Variants in SPTBN1 observed in about 807,000 individuals in gnomAD.
The protein encoded by SPTBN1 is spectrin beta chain, non-erythrocytic 1.
SPTBN1 carries 32 observed loss-of-function variants against 266.4 expected under a neutral mutation model. The observed-to-expected ratio is 0.12, with a 90% CI of 0.09 to 0.16. The LOEUF (loss-of-function observed/expected upper bound fraction) is 0.16, where lower values mean the gene tolerates loss of function less well. Among genes scored for constraint, SPTBN1 ranks in the 10% least tolerant of loss-of-function variants. SPTBN1 has a pLI of 1.00. For synonymous variants in SPTBN1, 1,336 were observed against 1,162.2 expected, an observed-to-expected ratio of 1.15 and a Z score of -3.04; for missense variants, 2,296 against 3,067.1, an observed-to-expected ratio of 0.75 and a Z score of 5.94.
chr2:54,569,551 T>C (rs1448936242), intron 2 of SPTBN1, among the ~76,000 whole-genome samples: 1 of 152,172 alleles, frequency 6.6e-6, no homozygotes, highest in Non-Finnish European at 1.5e-5. Flanking sequence ...ACGAGTTTTG[T>C]CTTGGCTTTT....
At chr2:54,462,751 C>T (rs930966446) in intron 1 of SPTBN1, among the ~76,000 whole-genome samples, 7 of 152,186 alleles carry the variant, frequency 4.6e-5, no homozygotes, top group African/African-American at 1.4e-4. Context: ...TTTAACCCTC[C>T]GGTCTCAGAT....
intron 1 of SPTBN1, among the ~76,000 whole-genome samples, chr2:54,470,532 A>G (rs1693866742): frequency 6.6e-6 from 1 of 152,228 alleles, no homozygotes; most frequent in Non-Finnish European, 1.5e-5. Flanking sequence ...CTAATTAAAT[A>G]TGTTTTTTAG....
intron 1 of SPTBN1, among the ~76,000 whole-genome samples, chr2:54,520,177 C>T (rs1228515184): frequency 6.6e-6 from 1 of 152,170 alleles, no homozygotes; most frequent in Non-Finnish European, 1.5e-5. Flanking sequence ...AAACAAAAAC[C>T]TGCAAGTTTA....
intron 1 of SPTBN1, among the ~76,000 whole-genome samples, chr2:54,508,777 G>A (rs1223578294): frequency 3.3e-5 from 5 of 152,172 alleles, no homozygotes; most frequent in African/African-American, 4.8e-5. Flanking sequence ...ATCAGCATAG[G>A]CGTTGTCCAG....
chr2:54,471,635 G>T (rs1241224441), intron 1 of SPTBN1, among the ~76,000 whole-genome samples: 2 of 152,138 alleles, frequency 1.3e-5, no homozygotes, highest in African/African-American at 2.4e-5. Context: ...ATGTGTTGGA[G>T]AACTGCCAAG....
chr2:54,584,707 G>A lies in SPTBN1; in HGVS notation c.149-14385G>A, dbSNP rs544529767. On this transcript the variant is annotated intron_variant, in intron 2 of 35. Coordinates refer to ENST00000356805, the MANE Select transcript of SPTBN1 (RefSeq NM_003128.3). ...TGGAGGCTGTTGAGAAGCAGCCAAG[G>A]TCATTATTAAACAATAAAATGCCCC... 1.5e-4 allele frequency among the ~76,000 whole-genome samples: 23 copies of A among 152,194 alleles called. No homozygotes were observed. In the South Asian group the frequency reaches 4.6e-3, roughly 30 times the overall value.
intron 17 of SPTBN1, among the ~76,000 whole-genome samples, chr2:54,634,376 C>A (rs1678969808): frequency 6.6e-6 from 1 of 152,196 alleles, no homozygotes. Flanking sequence ...AGAGCCTGGG[C>A]TACTGGTGTT....
chr2:54,641,388 C>G (rs1679544978), intron 18 of SPTBN1, among the ~76,000 whole-genome samples: 1 of 152,124 alleles, frequency 6.6e-6, no homozygotes, highest in Non-Finnish European at 1.5e-5. Flanking sequence ...TCAATAAATG[C>G]CTTCTGTTTT....
At chr2:54,526,303 T>C (rs1670810957) in intron 1 of SPTBN1, 69 bp from the exon 2 acceptor site, 3 of 1,287,536 alleles carry the variant, frequency 2.3e-6, no homozygotes, top group African/African-American at 1.5e-5. Flanking sequence ...CTCACTCTTA[T>C]CCCAGTTGGT....
chr2:54,495,518 C>G (rs9798389), intron 1 of SPTBN1, among the ~76,000 whole-genome samples: 2 of 152,144 alleles, frequency 1.3e-5, no homozygotes, highest in African/African-American at 4.8e-5. Flanking sequence ...ATAAAGTGTT[C>G]TCTGTAGAAA....
chr2:54,590,043 C>G (rs1170859668), intron 2 of SPTBN1, among the ~76,000 whole-genome samples: 1 of 152,160 alleles, frequency 6.6e-6, no homozygotes, highest in African/African-American at 2.4e-5. Flanking sequence ...ACAATGATGT[C>G]CTAATCACAC....
intron 1 of SPTBN1, among the ~76,000 whole-genome samples, chr2:54,477,574 A>T (rs1303507514): frequency 2.0e-5 from 3 of 152,068 alleles, no homozygotes; most frequent in African/African-American, 4.8e-5. Context: ...GCTGTCAGTT[A>T]CCTCACAGCC....
In SPTBN1 at chr2:54,669,252, T is replaced by TG. The variant is rs1553358904; in HGVS notation, c.*684dup. 1 of 151,904 alleles carries TG rather than the reference T, an allele frequency of 6.6e-6. No individual in the cohort carries two copies. The highest frequency in any genetic ancestry group is 1.5e-5 in the Non-Finnish European group (1 of 67,998). 9.4% of individuals were successfully genotyped at this position (151,904 alleles called of 1,614,324 possible). ...ATCTGTAATTTCAATTTTTTTTTTT[T>TG]GCTGAAATACATTATATTGTACGTT... On this transcript the variant is annotated 3_prime_UTR_variant, in exon 36 of 36. Coordinates refer to ENST00000356805, the MANE Select transcript of SPTBN1 (RefSeq NM_003128.3).
At chr2:54,496,459 AG>A (rs1668976493) in intron 1 of SPTBN1, among the ~76,000 whole-genome samples, 2 of 150,824 alleles carry the variant, frequency 1.3e-5, no homozygotes, top group Non-Finnish European at 1.5e-5. Flanking sequence ...AAAAAAAAAA[AG>A]TATGAATAAC....
At chr2:54,508,090 G>A (rs1669668494) in intron 1 of SPTBN1, among the ~76,000 whole-genome samples, 1 of 152,160 alleles carries the variant, frequency 6.6e-6, no homozygotes, top group South Asian at 2.1e-4. Flanking sequence ...CTTAAGGGTG[G>A]CAGTTTGAGG....
At chr2:54,505,950 C>A (rs938046698) in intron 1 of SPTBN1, among the ~76,000 whole-genome samples, 42 of 151,888 alleles carry the variant, frequency 2.8e-4, no homozygotes, top group South Asian at 8.3e-4. Context: ...CGGTGAAACC[C>A]CATCTCTACT....
In SPTBN1 at chr2:54,623,575, G is replaced by A. The variant is rs764836469; in HGVS notation, c.1161G>A (p.Lys387=). 1 of 1,614,034 alleles carries A rather than the reference G, an allele frequency of 6.2e-7. No homozygotes were observed. The highest frequency in any genetic ancestry group is 8.5e-7 in the Non-Finnish European group (1 of 1,179,938). ...AGGTCTACATGCCCCGGGAGGGGAA[G>A]CTCATCTCTGACATCAACAAGGTAA... ...NQKVYMPREG[K]LISDINKAWE... The change falls in exon 10 of 36, where the codon AAG becomes AAA. Residue 387 remains lysine, a synonymous_variant. Transcript: ENST00000356805.
rs1485758808 is a variant in SPTBN1, at chr2:54,661,383, GAT to G, written c.6420+1387_6420+1388del. The G allele has an allele frequency of 1.6e-5, 16 of 985,784 alleles. No individual in the cohort carries two copies. The African/African-American group carries it at 2.8e-4, about 17-fold the overall frequency. 61.1% of individuals were successfully genotyped at this position (985,784 alleles called of 1,614,324 possible). On this transcript the variant is annotated intron_variant, in intron 32 of 35. Transcript: ENST00000356805. ...GTCAGTGGAATCAGAAACCTGTTTT[GAT>G]ATGTGTTCTCTATGAGTTAAGTCTG...
intron 1 of SPTBN1, among the ~76,000 whole-genome samples, chr2:54,479,528 A>AATTT (rs1445461436): frequency 6.6e-6 from 1 of 152,146 alleles, no homozygotes; most frequent in Non-Finnish European, 1.5e-5. Flanking sequence ...ATGAGAATGA[A>AATTT]AGGAGACACT....
Sources: allele counts gnomAD v4.1 joint callset (sites outside exome capture counted in the v4.1 genomes callset), GRCh38; gene constraint gnomAD v4.1.1; transcripts MANE v1.5; gene names NCBI Gene and HGNC (gene_info 2026-07-23, HGNC 2026-07-21).